Variants in DLG2 observed in about 807,000 individuals in gnomAD.
DLG2 encodes disks large homolog 2.
A neutral mutation model predicts 132.5 loss-of-function variants in DLG2; 45 were observed. That is an observed-to-expected ratio of 0.34 (90% confidence interval 0.27 to 0.44). The LOEUF is 0.44. Ranked by LOEUF, DLG2 falls within the 20% of genes least tolerant of loss-of-function variation. The probability of loss-of-function intolerance (pLI) is 1.00; values close to 1 mark genes in which losing one functional copy is unlikely to be tolerated. For synonymous variants in DLG2, 424 were observed against 419.6 expected (o/e 1.01, Z -0.13); for missense variants, 1,045 against 1,196.9 (o/e 0.87, Z 1.87).
At chr11:85,391,599 G>A (rs1382396286) in intron 3 of DLG2, among the ~76,000 whole-genome samples, 1 of 152,086 alleles carries the variant, frequency 6.6e-6, no homozygotes, top group Non-Finnish European at 1.5e-5. Context: ...ATGATCAAGT[G>A]GATTTCATAC....
At chr11:84,766,535 C>A (rs897695902) in intron 6 of DLG2, among the ~76,000 whole-genome samples, 2 of 152,022 alleles carry the variant, frequency 1.3e-5, no homozygotes, top group Non-Finnish European at 2.9e-5. Flanking sequence ...CAGCAACTGG[C>A]ATAATGTGGA....
chr11:84,887,746 T>A (rs1029026884), intron 6 of DLG2, among the ~76,000 whole-genome samples: 3 of 152,132 alleles, frequency 2.0e-5, no homozygotes, highest in African/African-American at 7.2e-5. Context: ...ATAGTCACAT[T>A]TCTAGAGATT....
At chr11:83,851,905 C>T (rs111443686) in intron 16 of DLG2, among the ~76,000 whole-genome samples, 10,414 of 146,980 alleles carry the variant, frequency 0.071, 437 homozygotes, top group Middle Eastern at 0.088. Context: ...GGTGACAGAG[C>T]GAGACTCCGT....
chr11:85,182,593 A>AAGAAAG (rs2079791814), intron 4 of DLG2, among the ~76,000 whole-genome samples: 1 of 151,588 alleles, frequency 6.6e-6, no homozygotes, highest in South Asian at 2.1e-4. Context: ...TGTGGGAGAA[A>AAGAAAG]AGAAAGAGAA....
intron 7 of DLG2, among the ~76,000 whole-genome samples, chr11:84,286,675 C>A (rs2097913288): frequency 1.3e-5 from 2 of 152,098 alleles, no homozygotes; most frequent in African/African-American, 4.8e-5. Flanking sequence ...AATTTTTTCC[C>A]TCAAATAAAC....
chr11:84,865,516 A>C (rs2084413677), intron 6 of DLG2, among the ~76,000 whole-genome samples: 1 of 152,178 alleles, frequency 6.6e-6, no homozygotes, highest in Non-Finnish European at 1.5e-5. Flanking sequence ...GAGAGTTTGG[A>C]CACTAAATTT....
intron 4 of DLG2, among the ~76,000 whole-genome samples, chr11:85,213,153 A>G (rs1425887422): frequency 6.6e-6 from 1 of 152,188 alleles, no homozygotes; most frequent in Non-Finnish European, 1.5e-5. Context: ...AGGGTCTCTC[A>G]GAGTTAAGGT....
intron 5 of DLG2, among the ~76,000 whole-genome samples, chr11:85,122,381 C>A (rs1006049068): frequency 1.4e-4 from 22 of 152,088 alleles, no homozygotes; most frequent in African/African-American, 4.1e-4. Flanking sequence ...GAGAGGTATT[C>A]CAGGCATAAG....
chr11:84,720,737 G>C (rs1227464392), intron 6 of DLG2: 3 of 152,332 alleles, frequency 2.0e-5, no homozygotes, highest in African/African-American at 7.2e-5. Context: ...GGGTTCAAAG[G>C]AGGTGGGGCA....
chr11:84,079,284 T>TTTG (rs2154153238), intron 10 of DLG2, among the ~76,000 whole-genome samples: 1 of 151,762 alleles, frequency 6.6e-6, no homozygotes, highest in Non-Finnish European at 1.5e-5. Flanking sequence ...GTTTGTTTTT[T>TTTG]TTTTTGTTTT....
intron 6 of DLG2, among the ~76,000 whole-genome samples, chr11:84,956,769 T>C (rs2051739841): frequency 1.3e-5 from 2 of 152,154 alleles, no homozygotes; most frequent in Non-Finnish European, 2.9e-5. Flanking sequence ...GAGGGTTAGA[T>C]AGGTTATGTG....
At chr11:85,576,687 T>A (rs1192730719) in intron 3 of DLG2, among the ~76,000 whole-genome samples, 1 of 152,082 alleles carries the variant, frequency 6.6e-6, no homozygotes, top group African/African-American at 2.4e-5. Flanking sequence ...CTGCTAAGTG[T>A]TAGGATTAAA....
At chr11:85,108,254 A>C (rs2152308253) in intron 6 of DLG2, among the ~76,000 whole-genome samples, 1 of 152,224 alleles carries the variant, frequency 6.6e-6, no homozygotes, top group South Asian at 2.1e-4. Flanking sequence ...AGAACAACAA[A>C]GAGCAAGAAT....
rs770213236 is a variant in DLG2 at position 84,059,496 on chromosome 11, GAA to G, written c.750-14_750-13del. 9.0e-6 allele frequency: 14 copies of G among 1,547,778 alleles called. No individual in the cohort carries two copies. The highest frequency in any genetic ancestry group is 1.2e-5 in the South Asian group (1 of 80,482). ...TACAATCATTGACCCTGCAAGGAAG[GAA>G]AAGAGTCAAGATTCAGAAGTGGCTA... On this transcript the variant is annotated splice_polypyrimidine_tract_variant and intron_variant, in intron 10 of 27. Transcript: ENST00000376104.
intron 3 of DLG2, among the ~76,000 whole-genome samples, chr11:85,418,494 C>T (rs2090043072): frequency 6.6e-6 from 1 of 152,070 alleles, no homozygotes; most frequent in South Asian, 2.1e-4. Flanking sequence ...TCCTGAATAT[C>T]CCTGTTAATT....
intron 3 of DLG2, among the ~76,000 whole-genome samples, chr11:85,459,928 G>A (rs1387203487): frequency 6.6e-6 from 1 of 152,154 alleles, no homozygotes; most frequent in Admixed American, 6.5e-5. Flanking sequence ...TCCATGGGAT[G>A]GCTGTGCTGT....
chr11:84,900,712 T>A (rs761184296), intron 6 of DLG2, among the ~76,000 whole-genome samples: 2 of 152,054 alleles, frequency 1.3e-5, no homozygotes, highest in African/African-American at 2.4e-5. Flanking sequence ...TGAAATTAGC[T>A]CTTCAATTCA....
At chr11:84,466,128 T>A (rs933303036) in intron 7 of DLG2, among the ~76,000 whole-genome samples, 3 of 151,156 alleles carry the variant, frequency 2.0e-5, no homozygotes, top group Admixed American at 6.6e-5. Flanking sequence ...TGTATAGCTA[T>A]TTCAAAAAGG....
At chr11:85,470,651 C>A (rs2092956546) in intron 3 of DLG2, among the ~76,000 whole-genome samples, 1 of 152,134 alleles carries the variant, frequency 6.6e-6, no homozygotes, top group Non-Finnish European at 1.5e-5. Context: ...TCACTTGAAC[C>A]TGGGAAACGG....
Sources: gnomAD v4.1 joint callset for allele counts (sites outside exome capture counted in the v4.1 genomes callset) on GRCh38, gnomAD v4.1.1 for gene constraint, MANE v1.5 for transcripts, NCBI Gene and HGNC (gene_info 2026-07-23, HGNC 2026-07-21) for gene names.